YPEL1: variants seen among roughly 807,000 people sequenced by gnomAD.
YPEL1 encodes the protein yippee like 1, also known as protein yippee-like 1.
YPEL1 carries 7 observed loss-of-function variants against 17.3 expected under a neutral mutation model. The ratio of observed to expected loss-of-function variants is 0.40; its 90% CI spans 0.23 to 0.76. YPEL1 has a LOEUF of 0.76. Among genes scored for constraint, YPEL1 ranks in the 30% least tolerant of loss-of-function variants. The probability of loss-of-function intolerance (pLI) is 0.35; values close to 1 mark genes in which losing one functional copy is unlikely to be tolerated. For synonymous variants in YPEL1, 59 were observed against 59.6 expected, an observed-to-expected ratio of 0.99 and a Z score of 0.05; for missense variants, 91 against 155.5, an observed-to-expected ratio of 0.59 and a Z score of 2.21.
rs936437726 is a variant in YPEL1, at chr22:21,721,266, C to T, written c.-164-10358G>A. ...TAGCTGGGATTACAGGCGTGTGCCA[C>T]CACGCCCGGCTAATTTTTTTTGTGT... On this transcript the variant is annotated intron_variant, in intron 1 of 4. Coordinates refer to ENST00000339468, the MANE Select transcript of YPEL1 (RefSeq NM_013313.5). 7.9e-5 allele frequency among the ~76,000 whole-genome samples: 12 copies of T among 151,742 alleles called. No individual in the cohort carries two copies. In the South Asian group the frequency reaches 8.3e-4, roughly 11 times the overall value.
At chr22:21,729,890 G>A (rs2068371287) in intron 1 of YPEL1, among the ~76,000 whole-genome samples, 2 of 152,176 alleles carry the variant, frequency 1.3e-5, no homozygotes, top group African/African-American at 4.8e-5. Flanking sequence ...GCTCACATCT[G>A]TAATCCCAGC....
Position 21,724,462 on chromosome 22 carries a change from G to A in YPEL1, c.-165+11153C>T, listed in dbSNP as rs533919383. 3.3e-5 allele frequency among the ~76,000 whole-genome samples: 5 copies of A among 152,196 alleles called. No homozygotes were observed. In the South Asian group the frequency reaches 8.3e-4, roughly 25 times the overall value. On this transcript the variant is annotated intron_variant, in intron 1 of 4. Transcript: ENST00000339468. ...TGAGGCAGGAGAATAGCTTGAACTC[G>A]GGAGATGGAGGTTGCTGTGAGCCAT...
chr22:21,704,261 G>GCT, intron 2 of YPEL1: 1 of 702,142 alleles, frequency 1.4e-6, no homozygotes, highest in Non-Finnish European at 2.6e-6. Context: ...TCCTCAAAAT[G>GCT]CTCTCCTCGC....
chr22:21,722,046 A>G (rs1388148981), intron 1 of YPEL1, among the ~76,000 whole-genome samples: 1 of 152,224 alleles, frequency 6.6e-6, no homozygotes, highest in Admixed American at 6.6e-5. Context: ...CCTACTACAG[A>G]ATTCCCTTGT....
In YPEL1 at chr22:21,700,460, C is replaced by A. The variant is rs573160687; in HGVS notation, c.*669G>T. 1.4e-5 allele frequency: 2 copies of A among 145,384 alleles called. No individual in the cohort carries two copies. The highest frequency in any genetic ancestry group is 3.0e-5 in the Non-Finnish European group (2 of 67,232). 9.0% of individuals were successfully genotyped at this position (145,384 alleles called of 1,614,324 possible). A position where few individuals can be genotyped will look rare whatever the true frequency, so the allele number is the denominator to read the frequency against. ...CCGAGTAGCTGGGATTAAAGGCATG[C>A]GCCACCATACCCAGCTTTTTTTTTT... On this transcript the variant is annotated 3_prime_UTR_variant, in exon 5 of 5. Coordinates refer to ENST00000339468, the MANE Select transcript of YPEL1 (RefSeq NM_013313.5).
intron 4 of YPEL1, among the ~76,000 whole-genome samples, chr22:21,703,000 C>G (rs568847351): frequency 6.6e-6 from 1 of 152,216 alleles, no homozygotes; most frequent in Non-Finnish European, 1.5e-5. Context: ...GTCTTCTAGA[C>G]TTGTCCCTGA....
chr22:21,732,986 C>T (rs924944879), intron 1 of YPEL1, among the ~76,000 whole-genome samples: 2 of 151,880 alleles, frequency 1.3e-5, no homozygotes, highest in Admixed American at 6.6e-5. Context: ...CATGGTGGTG[C>T]ACACCCACAG....
At chr22:21,732,985 G>A (rs185493120) in intron 1 of YPEL1, among the ~76,000 whole-genome samples, 2 of 152,222 alleles carry the variant, frequency 1.3e-5, no homozygotes, top group African/African-American at 4.8e-5. Flanking sequence ...GCATGGTGGT[G>A]CACACCCACA....
intron 1 of YPEL1, among the ~76,000 whole-genome samples, chr22:21,716,465 C>G (rs969527619): frequency 1.3e-5 from 2 of 152,292 alleles, no homozygotes; most frequent in Admixed American, 1.3e-4. Context: ...CTGCCCCCAT[C>G]CAGCCACCCC....
intron 1 of YPEL1, among the ~76,000 whole-genome samples, chr22:21,726,446 A>G (rs10427813): frequency 0.17 from 26,042 of 152,180 alleles, 2,380 homozygotes; most frequent in Middle Eastern, 0.21. Flanking sequence ...CGGCCACCAC[A>G]GTCCCACAGG....
intron 4 of YPEL1, among the ~76,000 whole-genome samples, chr22:21,702,891 T>C (rs936897295): frequency 1.3e-5 from 2 of 152,100 alleles, no homozygotes; most frequent in Admixed American, 1.3e-4. Flanking sequence ...GAGGTGGCGA[T>C]TGCAACCTTC....
chr22:21,730,767 GC>G (rs1569067166), intron 1 of YPEL1, among the ~76,000 whole-genome samples: 1 of 152,160 alleles, frequency 6.6e-6, no homozygotes, highest in Non-Finnish European at 1.5e-5. Flanking sequence ...CTATATGGCT[GC>G]CCTGAGACAA....
chr22:21,703,768 C>T lies in YPEL1; in HGVS notation c.161+71G>A, dbSNP rs990889019. On this transcript the variant is annotated intron_variant, in intron 3 of 4. Coordinates refer to ENST00000339468, the MANE Select transcript of YPEL1 (RefSeq NM_013313.5). This position sits in a 1 kb window ranked among gnomAD's most constrained non-coding sequence, Gnocchi z 6.1. ...AAGACCCAGGTGATTCTACACAGGGCACTGTGTAGGTGCCATCCAGGCCGT... is the reference window on the plus strand; with the variant it reads ...AAGACCCAGGTGATTCTACACAGGGTACTGTGTAGGTGCCATCCAGGCCGT... 1 of 1,527,682 alleles carries T rather than the reference C, an allele frequency of 6.5e-7. No homozygotes were observed. Among genetic ancestry groups the T allele is most frequent in the Non-Finnish European group, 8.9e-7 (1 of 1,119,566 alleles). The allele number at this position is 1,527,682 out of a possible 1,614,324, so 94.6% of individuals were successfully genotyped here.
chr22:21,717,690 A>T (rs778066652), intron 1 of YPEL1, among the ~76,000 whole-genome samples: 1 of 152,250 alleles, frequency 6.6e-6, no homozygotes, highest in Admixed American at 6.5e-5. Context: ...AAGTGTCCAG[A>T]GGAAGGAAAA....
rs1416452261 is a variant in YPEL1, at chr22:21,698,364, G to C, written c.*2765C>G. On this transcript the variant is annotated 3_prime_UTR_variant, in exon 5 of 5. Transcript: ENST00000339468. ...AAAAACCAAAGTGCCCAAATAGAAG[G>C]AGCAGCGAACTTGCCCAAAACAGAA... 2.0e-5 allele frequency: 3 copies of C among 151,472 alleles called. No homozygotes were observed. Among genetic ancestry groups the C allele is most frequent in the African/African-American group, 7.3e-5 (3 of 41,218 alleles). 9.4% of individuals were successfully genotyped at this position (151,472 alleles called of 1,614,324 possible). A position where few individuals can be genotyped will look rare whatever the true frequency, so the allele number is the denominator to read the frequency against.
chr22:21,731,056 T>A (rs1436767713), intron 1 of YPEL1, among the ~76,000 whole-genome samples: 1 of 152,106 alleles, frequency 6.6e-6, no homozygotes, highest in Non-Finnish European at 1.5e-5. Context: ...CTGGGACACA[T>A]CCCAGTAGAG....
chr22:21,715,642 C>T (rs1430881225), intron 1 of YPEL1, among the ~76,000 whole-genome samples: 3 of 151,632 alleles, frequency 2.0e-5, no homozygotes, highest in Non-Finnish European at 4.4e-5. Flanking sequence ...AGTGCGATGG[C>T]ACCATCTGCG....
chr22:21,702,282 G>C (rs2068073753), intron 4 of YPEL1, among the ~76,000 whole-genome samples: 1 of 152,208 alleles, frequency 6.6e-6, no homozygotes. Flanking sequence ...GAAGGCACGG[G>C]TTTCTGGAAG....
intron 1 of YPEL1, among the ~76,000 whole-genome samples, chr22:21,732,150 C>A (rs2068393804): frequency 6.6e-6 from 1 of 152,220 alleles, no homozygotes; most frequent in African/African-American, 2.4e-5. Context: ...ATCTGTATAG[C>A]AGGTGTAACG....
Sources: allele counts gnomAD v4.1 joint callset (sites outside exome capture counted in the v4.1 genomes callset), GRCh38; gene constraint gnomAD v4.1.1; non-coding constraint Gnocchi (gnomAD v3.1); transcripts MANE v1.5; gene names NCBI Gene and HGNC (gene_info 2026-07-23, HGNC 2026-07-21).